FLNB: variants seen among roughly 807,000 people sequenced by gnomAD.
The protein encoded by FLNB is filamin-B.
In FLNB, 111 loss-of-function variants were observed where a neutral mutation model predicts 250.6. That is an observed-to-expected ratio of 0.44 (90% CI 0.38 to 0.52). The LOEUF (loss-of-function observed/expected upper bound fraction) is 0.52. Among genes scored for constraint, FLNB ranks in the 20% least tolerant of loss-of-function variants. FLNB has a pLI of 0.00. For synonymous variants in FLNB, 1,302 were observed against 1,372.1 expected, an observed-to-expected ratio of 0.95 and a Z score of 1.13; for missense variants, 2,869 against 3,447.8, an observed-to-expected ratio of 0.83 and a Z score of 4.20.
intron 7 of FLNB, 68 bp from the exon 8 acceptor site, chr3:58,098,643 T>C: frequency 6.7e-7 from 1 of 1,498,052 alleles, no homozygotes; most frequent in Non-Finnish European, 9.3e-7. Flanking sequence ...TGTTTGCATT[T>C]TGCACTCAGC....
chr3:58,092,108 T>C (rs892686052), intron 4 of FLNB, among the ~76,000 whole-genome samples: 1 of 152,182 alleles, frequency 6.6e-6, no homozygotes, highest in African/African-American at 2.4e-5. Context: ...CAGTTTCTGC[T>C]GAAGAGAACG....
chr3:58,156,166 C>A, intron 41 of FLNB, 91 bp downstream of exon 41: 1 of 930,728 alleles, frequency 1.1e-6, no homozygotes, highest in Non-Finnish European at 1.7e-6. Context: ...CCCTTAGGTG[C>A]TGAGGCCCCT....
At chr3:58,102,368 A>G (rs759248007) in intron 9 of FLNB, 28 bp downstream of exon 9, 1 of 1,608,192 alleles carries the variant, frequency 6.2e-7, no homozygotes, top group Non-Finnish European at 8.5e-7. Flanking sequence ...TCTCTATCTC[A>G]GGTGTGGTTT....
At position 58,008,435 on chromosome 3, in the gene FLNB, C is replaced by G. The variant is rs1225767457; in HGVS notation, c.-130C>G. On this transcript the variant is annotated 5_prime_UTR_variant, in exon 1 of 46. Transcript: ENST00000295956. ...GCGGGCGGCCGCAGAGCAGCACCGG[C>G]CGTGGCTCCGGTAGCAGCAAGTTCG... The G allele has an allele frequency of 8.9e-7, 1 of 1,120,050 alleles. No individual in the cohort carries two copies. The highest frequency in any genetic ancestry group is 1.5e-5 in the African/African-American group (1 of 64,916). The allele number at this position is 1,120,050 out of a possible 1,614,324, so 69.4% of individuals were successfully genotyped here. A position where few individuals can be genotyped will look rare whatever the true frequency, so the allele number is the denominator to read the frequency against.
chr3:58,163,389 G>T (rs536047344), intron 43 of FLNB, 59 bp downstream of exon 43: 2 of 1,561,414 alleles, frequency 1.3e-6, no homozygotes, highest in Non-Finnish European at 1.8e-6. Context: ...GACCAAGCCA[G>T]ATGGAAATCC....
rs1352808331 is a variant in FLNB at position 58,132,148 on chromosome 3, C to G, written c.4391-660C>G. On this transcript the variant is annotated intron_variant, in intron 25 of 45. Coordinates refer to ENST00000295956, the MANE Select transcript of FLNB (RefSeq NM_001457.4). ...CATGCCATCCTTTGATTAACCTACC[C>G]TGGAGTTGACCCATCCTTGACTGTC... is the stretch of plus-strand genomic sequence containing the variant. 3 of 678,398 alleles carry G rather than the reference C, an allele frequency of 4.4e-6. No homozygotes were observed. The African/African-American group carries it at 5.4e-5, about 12-fold the overall frequency. The allele number at this position is 678,398 out of a possible 1,614,324, so 42.0% of individuals were successfully genotyped here. A position where few individuals can be genotyped will look rare whatever the true frequency, so the allele number is the denominator to read the frequency against.
In FLNB at chr3:58,134,661, G is replaced by C; in HGVS notation, c.4560G>C (p.Val1520=). ...TTCCCACATATGATGCCAGCAAAGTGACTGCCAGTGGCCCCGGCCTTAGTT... is the reference window on the plus strand; with the variant it reads ...TTCCCACATATGATGCCAGCAAAGTCACTGCCAGTGGCCCCGGCCTTAGTT... ...KVLPTYDASK[V]TASGPGLSSY... The change falls in exon 27 of 46, where the codon GTG becomes GTC. Residue 1520 remains valine, a synonymous_variant. Transcript: ENST00000295956. The C allele has an allele frequency of 6.2e-7, 1 of 1,614,142 alleles. No homozygotes were observed. Among genetic ancestry groups the C allele is most frequent in the Non-Finnish European group, 8.5e-7 (1 of 1,180,026 alleles).
In FLNB at chr3:58,077,306, G is replaced by T. The variant is rs1211740304; in HGVS notation, c.541+12G>T. ...CAGCTGTGCTCCAGGTAAGTGGCCA[G>T]GGCTGCCTAAACCATCTGTCCAGGA... On this transcript the variant is annotated intron_variant, in intron 2 of 45. Coordinates refer to ENST00000295956, the MANE Select transcript of FLNB (RefSeq NM_001457.4). The T allele has an allele frequency of 3.1e-6, 5 of 1,613,402 alleles. No individual in the cohort carries two copies. Among genetic ancestry groups the T allele is most frequent in the East Asian group, 4.5e-5 (2 of 44,880 alleles).
At chr3:58,156,152 T>A (rs1172521398) in intron 41 of FLNB, 77 bp downstream of exon 41, 1 of 1,114,096 alleles carries the variant, frequency 9.0e-7, no homozygotes, top group Non-Finnish European at 1.4e-6. Context: ...GCTGCTTCAA[T>A]GTCCCCTTAG....
At position 58,143,559 on chromosome 3, in the gene FLNB, A is replaced by G; in HGVS notation, c.5371A>G (p.Thr1791Ala). The change falls in exon 32 of 46, where the codon ACT becomes GCT. Residue 1791 changes from threonine to alanine, a missense_variant. Thr to Ala is a moderately conservative substitution (Grantham distance 58). Around this residue, in one of 5 missense-constraint regions of FLNB, gnomAD observed 1,084 missense variants for 1,315.5 expected, o/e 0.82. Coordinates refer to ENST00000295956, the MANE Select transcript of FLNB (RefSeq NM_001457.4). ...DGTVTVRYAP[T>A]EVGLHEMHIK... ...CACGGTCACTGTTAGATATGCCCCC[A>G]CTGAGGTCGGGCTCCATGAGATGCA... is the stretch of plus-strand genomic sequence containing the variant. The G allele has an allele frequency of 6.2e-7, 1 of 1,614,124 alleles. No individual in the cohort carries two copies. The highest frequency in any genetic ancestry group is 1.7e-4 in the Middle Eastern group (1 of 6,054).
In FLNB at chr3:58,118,865, G is replaced by A. The variant is rs1160208807; in HGVS notation, c.2746-7G>A. The stretch of plus-strand genomic sequence containing the variant: ...AAAGGTAAACTGAGTTTTCTCTCTT[G>A]TTCCAGGGCAACATGCAGGTTCTGG... On this transcript the variant is annotated splice_polypyrimidine_tract_variant and splice_region_variant and intron_variant, in intron 18 of 45. Coordinates refer to ENST00000295956, the MANE Select transcript of FLNB (RefSeq NM_001457.4). 5 of 1,611,536 alleles carry A rather than the reference G, an allele frequency of 3.1e-6. No homozygotes were observed. Among genetic ancestry groups the A allele is most frequent in the Non-Finnish European group, 8.5e-7 (1 of 1,177,792 alleles).
chr3:58,070,265 G>T (rs911091947), intron 1 of FLNB, among the ~76,000 whole-genome samples: 3 of 151,884 alleles, frequency 2.0e-5, no homozygotes, highest in Admixed American at 1.3e-4. Context: ...GGCTGGTCTC[G>T]AACTCCTGAC....
In FLNB at chr3:58,153,223, AG is replaced by A. The variant is rs1404491922; in HGVS notation, c.6368-150del. On this transcript the variant is annotated intron_variant, in intron 38 of 45. Transcript: ENST00000295956. The stretch of plus-strand genomic sequence containing the variant: ...CACTCCATGCTGGCCACAGAAGGGC[AG>A]GCACCCAGCCTGAAGGGAAGGAAGC... 8 of 888,328 alleles carry A rather than the reference AG, an allele frequency of 9.0e-6. No individual in the cohort carries two copies. The African/African-American group carries it at 1.3e-4, about 15-fold the overall frequency. 55.0% of individuals were successfully genotyped at this position (888,328 alleles called of 1,614,324 possible).
intron 4 of FLNB, among the ~76,000 whole-genome samples, chr3:58,091,189 G>C (rs1238621304): frequency 2.0e-5 from 3 of 152,158 alleles, no homozygotes; most frequent in African/African-American, 7.2e-5. Context: ...CAGATAGCAA[G>C]ATTATTATTT....
chr3:58,153,975 A>G (rs1357540597), intron 39 of FLNB, among the ~76,000 whole-genome samples: 2 of 152,250 alleles, frequency 1.3e-5, no homozygotes, highest in Non-Finnish European at 2.9e-5. Context: ...CTAGAAAGCT[A>G]CAAAACTGAC....
intron 18 of FLNB, among the ~76,000 whole-genome samples, chr3:58,117,563 T>C (rs1371701190): frequency 2.0e-5 from 3 of 151,916 alleles, no homozygotes; most frequent in African/African-American, 7.3e-5. Flanking sequence ...TCGGGAAGAG[T>C]TGGCACGTTG....
intron 1 of FLNB, among the ~76,000 whole-genome samples, chr3:58,042,352 T>G (rs892199894): frequency 4.6e-5 from 7 of 150,984 alleles, no homozygotes; most frequent in Admixed American, 6.6e-5. Flanking sequence ...TAGGTTTTTT[T>G]TTTTTTTTTT....
At chr3:58,056,110 T>TTATTTA (rs1559661901) in intron 1 of FLNB, among the ~76,000 whole-genome samples, 21 of 132,890 alleles carry the variant, frequency 1.6e-4, no homozygotes, top group African/African-American at 7.4e-4. Context: ...TATTTATTTT[T>TTATTTA]TTTTTTTTTG....
intron 1 of FLNB, 117 bp downstream of exon 1, chr3:58,008,973 AG>A: frequency 7.9e-7 from 1 of 1,259,860 alleles, no homozygotes; most frequent in South Asian, 1.2e-5. Flanking sequence ...GATAAGGGGG[AG>A]TCGTCCCCAG....
Sources: allele counts gnomAD v4.1 joint callset (sites outside exome capture counted in the v4.1 genomes callset), GRCh38; gene constraint gnomAD v4.1.1; regional missense constraint gnomAD v4.1.1; transcripts MANE v1.5; gene names NCBI Gene and HGNC (gene_info 2026-07-23, HGNC 2026-07-21).